The following ARL8A variants were observed in gnomAD, a reference collection of about 807,000 sequenced individuals.
ARL8A encodes the protein ADP-ribosylation factor-like protein 8A.
Under a neutral mutation model 31.2 loss-of-function variants are expected in ARL8A, and 10 were observed. The observed-to-expected ratio is 0.32, with a 90% CI of 0.20 to 0.54. ARL8A has a LOEUF of 0.54. Among genes scored for constraint, ARL8A ranks in the 20% least tolerant of loss-of-function variants. The pLI, the probability that ARL8A is intolerant of heterozygous loss-of-function variation, is 0.93. For synonymous variants in ARL8A, 70 were observed against 86.9 expected (o/e 0.81, Z 1.08); for missense variants, 129 against 242.8 (o/e 0.53, Z 3.12).
chr1:202,141,803 G>A (rs1571722523), intron 1 of ARL8A, among the ~76,000 whole-genome samples: 1 of 151,906 alleles, frequency 6.6e-6, no homozygotes, highest in South Asian at 2.1e-4. Flanking sequence ...TTGTTTCCTA[G>A]GACAAAACAT....
rs763255358 is a variant in ARL8A, at chr1:202,138,293, CAACACA to C, written c.204+69_204+74del. On this transcript the variant is annotated intron_variant, in intron 2 of 6. Coordinates refer to ENST00000272217, the MANE Select transcript of ARL8A (RefSeq NM_138795.4). The surrounding 1 kb of genome is among the most constrained non-coding windows in gnomAD (Gnocchi z 4.4). The stretch of plus-strand genomic sequence containing the variant: ...TCCCAGGGGCCTCCGTTGCCCTCCC[CAACACA>C]CACACACACACACACACACACACAC... The C allele has an allele frequency of 7.3e-7, 1 of 1,365,588 alleles. No homozygotes were observed. The highest frequency in any genetic ancestry group is 9.9e-7 in the Non-Finnish European group (1 of 1,011,532). 84.6% of individuals were successfully genotyped at this position (1,365,588 alleles called of 1,614,324 possible). A position where few individuals can be genotyped will look rare whatever the true frequency, so the allele number is the denominator to read the frequency against.
intron 1 of ARL8A, among the ~76,000 whole-genome samples, chr1:202,142,795 A>G (rs1655195395): frequency 6.6e-6 from 1 of 152,124 alleles, no homozygotes; most frequent in African/African-American, 2.4e-5. Flanking sequence ...GCTCAACTGC[A>G]GACCCAGAAA....
chr1:202,138,218 C>A lies in ARL8A; in HGVS notation c.204+150G>T. 1 of 1,146,194 alleles carries A rather than the reference C, an allele frequency of 8.7e-7. No homozygotes were observed. 71.0% of individuals were successfully genotyped at this position (1,146,194 alleles called of 1,614,324 possible). The stretch of plus-strand genomic sequence containing the variant: ...TTAGAAGTCTTCTACTGTCTTTTCC[C>A]AGCTCCTCAGCAGGGGGACCCTGGC... On this transcript the variant is annotated intron_variant, in intron 2 of 6. Coordinates refer to ENST00000272217, the MANE Select transcript of ARL8A (RefSeq NM_138795.4). This position sits in a 1 kb window ranked among gnomAD's most constrained non-coding sequence, Gnocchi z 4.4.
Position 202,135,696 on chromosome 1 carries a change from G to C in ARL8A, c.372+11C>G. The C allele has an allele frequency of 6.2e-7, 1 of 1,612,366 alleles. No homozygotes were observed. Among genetic ancestry groups the C allele is most frequent in the Non-Finnish European group, 8.5e-7 (1 of 1,178,444 alleles). The stretch of plus-strand genomic sequence containing the variant: ...GCTCCCTCCCCATCCCGCTCCCTCA[G>C]GTCTGCTGACCGGGATGCCCTGCAG... On this transcript the variant is annotated intron_variant, in intron 4 of 6. Coordinates refer to ENST00000272217, the MANE Select transcript of ARL8A (RefSeq NM_138795.4). The surrounding 1 kb of genome is among the most constrained non-coding windows in gnomAD (Gnocchi z 5.3).
chr1:202,134,384 G>A lies in ARL8A; in HGVS notation c.*83C>T. The stretch of plus-strand genomic sequence containing the variant: ...CACTGGGTGAGGAGGGGTGGGCTTA[G>A]GGGGACGACAGGGGTGGGCGGGGAG... On this transcript the variant is annotated 3_prime_UTR_variant, in exon 7 of 7. Transcript: ENST00000272217. This position sits in a 1 kb window ranked among gnomAD's most constrained non-coding sequence, Gnocchi z 4.2. The A allele has an allele frequency of 1.4e-6, 2 of 1,446,286 alleles. No homozygotes were observed. Among genetic ancestry groups the A allele is most frequent in the South Asian group, 1.1e-5 (1 of 86,988 alleles). The allele number at this position is 1,446,286 out of a possible 1,614,324, so 89.6% of individuals were successfully genotyped here. A position where few individuals can be genotyped will look rare whatever the true frequency, so the allele number is the denominator to read the frequency against.
intron 1 of ARL8A, among the ~76,000 whole-genome samples, chr1:202,143,603 T>C (rs1655221562): frequency 6.6e-6 from 1 of 152,182 alleles, no homozygotes; most frequent in Non-Finnish European, 1.5e-5. Context: ...ATCTTCCCCT[T>C]TTTTGAGAGA....
Position 202,135,081 on chromosome 1 carries a change from G to T in ARL8A, c.511+69C>A. On this transcript the variant is annotated intron_variant, in intron 6 of 6. Coordinates refer to ENST00000272217, the MANE Select transcript of ARL8A (RefSeq NM_138795.4). The surrounding 1 kb of genome is among the most constrained non-coding windows in gnomAD (Gnocchi z 5.3). ...GACTTCAGGGAAAGTTGTGGAGCGA[G>T]AACCTGAGAGCCACTAAAACACTCA... 1 of 1,474,220 alleles carries T rather than the reference G, an allele frequency of 6.8e-7. No individual in the cohort carries two copies. The highest frequency in any genetic ancestry group is 1.1e-5 in the South Asian group (1 of 87,324). The allele number at this position is 1,474,220 out of a possible 1,614,324, so 91.3% of individuals were successfully genotyped here. A position where few individuals can be genotyped will look rare whatever the true frequency, so the allele number is the denominator to read the frequency against.
chr1:202,143,066 T>A (rs1655201868), intron 1 of ARL8A, among the ~76,000 whole-genome samples: 1 of 151,872 alleles, frequency 6.6e-6, no homozygotes, highest in South Asian at 2.1e-4. Context: ...AGCCCAGGGG[T>A]GTTAGCTCCG....
chr1:202,139,622 A>C (rs1571721368), intron 1 of ARL8A, among the ~76,000 whole-genome samples: 2 of 136,772 alleles, frequency 1.5e-5, no homozygotes, highest in Non-Finnish European at 3.1e-5. Flanking sequence ...TGAGGGTGAT[A>C]GCCCTGTTCC....
intron 1 of ARL8A, among the ~76,000 whole-genome samples, chr1:202,143,602 T>C (rs1205261120): frequency 6.6e-6 from 1 of 152,170 alleles, no homozygotes; most frequent in Non-Finnish European, 1.5e-5. Context: ...CATCTTCCCC[T>C]TTTTTGAGAG....
At chr1:202,137,922 G>A (rs777291229) in intron 3 of ARL8A, 43 bp downstream of exon 3, 5 of 1,608,568 alleles carry the variant, frequency 3.1e-6, no homozygotes, top group African/African-American at 2.7e-5. Flanking sequence ...GGCTAGGGGG[G>A]CCGGGTAAGG....
chr1:202,133,930 G>A lies in ARL8A; in HGVS notation c.*537C>T, dbSNP rs1473159040. On this transcript the variant is annotated 3_prime_UTR_variant, in exon 7 of 7. Coordinates refer to ENST00000272217, the MANE Select transcript of ARL8A (RefSeq NM_138795.4). ...GAGGCGGCCACCAGTGCCCAGGCTGGTACCTGCCGCAGGTGCCAGCCTGCA... is the reference window on the plus strand; with the variant it reads ...GAGGCGGCCACCAGTGCCCAGGCTGATACCTGCCGCAGGTGCCAGCCTGCA... The A allele has an allele frequency of 6.6e-6, 1 of 152,184 alleles. No individual in the cohort carries two copies. The highest frequency in any genetic ancestry group is 2.4e-5 in the African/African-American group (1 of 41,406). The allele number at this position is 152,184 out of a possible 1,614,324, so 9.4% of individuals were successfully genotyped here.
intron 3 of ARL8A, 101 bp downstream of exon 3, chr1:202,137,864 A>T: frequency 7.8e-7 from 1 of 1,288,866 alleles, no homozygotes. Flanking sequence ...TGAACCAAGG[A>T]TTATGTCTAA....
At chr1:202,143,593 ATCTTCCCC>A in intron 1 of ARL8A, among the ~76,000 whole-genome samples, 1 of 152,144 alleles carries the variant, frequency 6.6e-6, no homozygotes, top group Non-Finnish European at 1.5e-5. Context: ...CATGGAGCTC[ATCTTCCCC>A]TTTTTTGAGA....
intron 1 of ARL8A, among the ~76,000 whole-genome samples, chr1:202,143,705 C>T (rs1010937160): frequency 9.9e-5 from 15 of 152,240 alleles, no homozygotes; most frequent in African/African-American, 3.6e-4. Context: ...TAGAGCCACT[C>T]TCCCAAGGCC....
At chr1:202,137,614 G>A (rs1053724140) in intron 3 of ARL8A, among the ~76,000 whole-genome samples, 3 of 145,664 alleles carry the variant, frequency 2.1e-5, no homozygotes, top group Non-Finnish European at 4.5e-5. Context: ...GGCAACAAGA[G>A]CGAAACTCCG....
intron 1 of ARL8A, among the ~76,000 whole-genome samples, chr1:202,142,058 G>C (rs1655178066): frequency 2.0e-5 from 3 of 152,100 alleles, no homozygotes. Context: ...AGTAGAGATG[G>C]GGTTTCACCA....
intron 3 of ARL8A, among the ~76,000 whole-genome samples, chr1:202,136,561 G>A (rs924584187): frequency 6.6e-6 from 1 of 151,872 alleles, no homozygotes; most frequent in Non-Finnish European, 1.5e-5. Context: ...TTACAGGCAT[G>A]AGCCACCGCA....
Position 202,138,044 on chromosome 1 carries a change from CAAG to C in ARL8A, c.205-9_205-7del. ...TGTCCCCCAATGTCCCAGAGCTGAGCAAGAAGAGGGTGAGATAGCCTCAGTAGT... is the reference window on the plus strand; with the variant it reads ...TGTCCCCCAATGTCCCAGAGCTGAGCAAGAGGGTGAGATAGCCTCAGTAGT... On this transcript the variant is annotated splice_polypyrimidine_tract_variant and splice_region_variant and intron_variant, in intron 2 of 6. Transcript: ENST00000272217. This position sits in a 1 kb window ranked among gnomAD's most constrained non-coding sequence, Gnocchi z 4.4. 1 of 1,613,980 alleles carries C rather than the reference CAAG, an allele frequency of 6.2e-7. No individual in the cohort carries two copies. The highest frequency in any genetic ancestry group is 1.3e-5 in the African/African-American group (1 of 75,048).
Sources: gnomAD v4.1 joint callset for allele counts (sites outside exome capture counted in the v4.1 genomes callset) on GRCh38, gnomAD v4.1.1 for gene constraint, Gnocchi (gnomAD v3.1) non-coding constraint, MANE v1.5 for transcripts, NCBI Gene and HGNC (gene_info 2026-07-23, HGNC 2026-07-21) for gene names.